Variants in CHD5 observed in about 807,000 individuals in gnomAD.
The protein encoded by CHD5 is chromodomain helicase DNA binding protein 5, also known as ATP-dependent chromatin remodeler CHD5.
In CHD5, 69 loss-of-function variants were observed where a neutral mutation model predicts 230.3. That is an observed-to-expected ratio of 0.30 (90% confidence interval 0.25 to 0.37). CHD5 has a LOEUF of 0.37. CHD5 is among the 10% of genes least tolerant of loss of function. The probability of loss-of-function intolerance (pLI) is 1.00; values close to 1 mark genes in which losing one functional copy is unlikely to be tolerated. For missense variants in CHD5, 1,827 were observed against 2,622.8 expected (o/e 0.70, Z 6.63); for synonymous variants, 1,064 against 1,065.9 (o/e 1.00, Z 0.03).
At chr1:6,150,866 C>G (rs1322649069) in intron 7 of CHD5, among the ~76,000 whole-genome samples, 166 bp downstream of exon 7, 1 of 152,154 alleles carries the variant, frequency 6.6e-6, no homozygotes, top group Non-Finnish European at 1.5e-5. Context: ...ACACAGGGGC[C>G]CCACCTGGCT....
Position 6,135,304 on chromosome 1 carries a change from G to A in CHD5, c.2796C>T (p.Leu932=), listed in dbSNP as rs1666721128. The A allele has an allele frequency of 1.2e-6, 2 of 1,614,034 alleles. No individual in the cohort carries two copies. The highest frequency in any genetic ancestry group is 1.7e-6 in the Non-Finnish European group (2 of 1,180,048). ...GCATGTTCTTGAACACGTCAGCCTT[G>A]AGCCGCCTGAGCATGTGCGGCCCCA... ...DLLGPHMLRR[L]KADVFKNMPA... Residue 932 remains leucine, a synonymous_variant, in exon 18 of 42, where the codon CTC becomes CTT. Transcript: ENST00000262450.
rs138478240 is a variant in CHD5 at position 6,142,587 on chromosome 1, T to C, written c.2062A>G (p.Lys688Glu). The change falls in exon 14 of 42, where the codon AAG becomes GAG. Residue 688 changes from lysine to glutamate, a missense_variant. By Grantham distance (56) the Lys-to-Glu change is moderately conservative. Coordinates refer to ENST00000262450, the MANE Select transcript of CHD5 (RefSeq NM_015557.3). The surrounding 1 kb of genome is among the most constrained non-coding windows in gnomAD (Gnocchi z 5.2). The stretch of plus-strand genomic sequence containing the variant: ...GTGGAGTCGATGTACCATGGCTGCT[T>C]GTCGAACTTGACCGTGGGCTGCAGG... ...PIVDPTVKFD[K>E]QPWYIDSTGG... 175 of 1,612,354 alleles carry C rather than the reference T, an allele frequency of 1.1e-4. No individual in the cohort carries two copies. Among genetic ancestry groups the C allele is most frequent in the Non-Finnish European group, 1.5e-4 (173 of 1,179,326 alleles).
chr1:6,140,354 C>T (rs1346916745), intron 15 of CHD5, among the ~76,000 whole-genome samples: 1 of 150,938 alleles, frequency 6.6e-6, no homozygotes, highest in Non-Finnish European at 1.5e-5. Flanking sequence ...GAGCCCAGAT[C>T]GCACCACTGC....
At position 6,146,875 on chromosome 1, in the gene CHD5, T is replaced by C; in HGVS notation, c.1384-4A>G. ...CTTTGCCCTTCAGTGGGGGGCACTG[T>C]GGACAGAGAAGGGTCCCCAAGGTGG... On this transcript the variant is annotated splice_region_variant and splice_polypyrimidine_tract_variant and intron_variant, in intron 9 of 41. Transcript: ENST00000262450. This position sits in a 1 kb window ranked among gnomAD's most constrained non-coding sequence, Gnocchi z 5.1. The C allele has an allele frequency of 6.7e-7, 1 of 1,494,318 alleles. No homozygotes were observed. The highest frequency in any genetic ancestry group is 1.4e-5 in the South Asian group (1 of 73,284). The allele number at this position is 1,494,318 out of a possible 1,614,324, so 92.6% of individuals were successfully genotyped here. A position where few individuals can be genotyped will look rare whatever the true frequency, so the allele number is the denominator to read the frequency against.
chr1:6,144,089 G>A lies in CHD5; in HGVS notation c.1869C>T (p.Thr623=). The change falls in exon 12 of 42, where the codon ACC becomes ACT. Residue 623 remains threonine, a synonymous_variant. Transcript: ENST00000262450. ...GGATGTCGATGTCATCGATCTCCCA[G>A]GTGCACTGGTCGTAGGGCAGGTCTT... ...KWKDLPYDQC[T]WEIDDIDIPY... 1.9e-6 allele frequency: 3 copies of A among 1,614,212 alleles called. No homozygotes were observed. Among genetic ancestry groups the A allele is most frequent in the Non-Finnish European group, 2.5e-6 (3 of 1,180,036 alleles).
rs112905964 is a variant in CHD5, at chr1:6,134,013, ATGGGAACGGCAC to A, written c.3144+103_3144+114del. ...CCTGACACACAGTCACATGACCCAC[ATGGGAACGGCAC>A]TGGGCCCTGAGGGGTGCCAGCAAGT... On this transcript the variant is annotated intron_variant, in intron 20 of 41. Coordinates refer to ENST00000262450, the MANE Select transcript of CHD5 (RefSeq NM_015557.3). The surrounding 1 kb of genome is among the most constrained non-coding windows in gnomAD (Gnocchi z 6.3). 1.7e-4 allele frequency: 171 copies of A among 1,012,618 alleles called. 3 individuals carry two copies. The African/African-American group carries it at 2.3e-3, about 14-fold the overall frequency. 62.7% of individuals were successfully genotyped at this position (1,012,618 alleles called of 1,614,324 possible).
intron 41 of CHD5, 52 bp downstream of exon 41, chr1:6,106,182 G>T: frequency 6.5e-7 from 1 of 1,534,252 alleles, no homozygotes; most frequent in Admixed American, 1.7e-5. Flanking sequence ...GCCAGGCCTG[G>T]TTTGCCAGCA....
rs143731119 is a variant in CHD5, at chr1:6,157,200, G to A, written c.388-1483C>T. ...GCCAATCAGTACACACCACTCCTAGGCCAAAGTCTGGTCAGGCCAGTCATG... is the reference window on the plus strand; with the variant it reads ...GCCAATCAGTACACACCACTCCTAGACCAAAGTCTGGTCAGGCCAGTCATG... On this transcript the variant is annotated intron_variant, in intron 3 of 41. Transcript: ENST00000262450. 1.9e-3 allele frequency among the ~76,000 whole-genome samples: 289 copies of A among 152,210 alleles called. 1 individual carries two copies. The highest frequency in any genetic ancestry group is 0.014 in the Middle Eastern group (4 of 294).
intron 36 of CHD5, among the ~76,000 whole-genome samples, 168 bp downstream of exon 36, chr1:6,111,607 G>A (rs573290921): frequency 9.2e-5 from 14 of 152,160 alleles, no homozygotes; most frequent in East Asian, 1.9e-4. Context: ...GGATGACAGC[G>A]GCGGGGAGCG....
chr1:6,128,385 G>A lies in CHD5; in HGVS notation c.3730+114C>T, dbSNP rs1666597578. ...CTGCGCTGTAACAGCCCCACTCGCC[G>A]CCCACCTGGCAGTCCCAGGACGCCC... On this transcript the variant is annotated intron_variant, in intron 24 of 41. Transcript: ENST00000262450. The surrounding 1 kb of genome is among the most constrained non-coding windows in gnomAD (Gnocchi z 7.8). 9.0e-6 allele frequency: 10 copies of A among 1,109,860 alleles called. No homozygotes were observed. The highest frequency in any genetic ancestry group is 4.2e-5 in the South Asian group (3 of 71,508). The allele number at this position is 1,109,860 out of a possible 1,614,324, so 68.8% of individuals were successfully genotyped here.
rs761122044 is a variant in CHD5 at position 6,130,353 on chromosome 1, G to A, written c.3263-25C>T. On this transcript the variant is annotated intron_variant, in intron 21 of 41. Transcript: ENST00000262450. The surrounding 1 kb of genome is among the most constrained non-coding windows in gnomAD (Gnocchi z 4.9). ...GCTGAAAAAGAGAGGCCAGCAGATG[G>A]GAGTGTTTGGGGGGGTACACCTTGG... 7 of 1,611,576 alleles carry A rather than the reference G, an allele frequency of 4.3e-6. No individual in the cohort carries two copies. The highest frequency in any genetic ancestry group is 5.9e-6 in the Non-Finnish European group (7 of 1,179,046).
Position 6,154,563 on chromosome 1 carries a change from C to A in CHD5, c.745+97G>T. The stretch of plus-strand genomic sequence containing the variant: ...CCCTCCATTAGGAGCACCCCAGCTG[C>A]CCCTCCCTGCCCGCGTCTGCCCCGT... On this transcript the variant is annotated intron_variant, in intron 5 of 41. Transcript: ENST00000262450. This position sits in a 1 kb window ranked among gnomAD's most constrained non-coding sequence, Gnocchi z 7.0. 8.8e-7 allele frequency: 1 copy of A among 1,137,820 alleles called. No individual in the cohort carries two copies. The highest frequency in any genetic ancestry group is 1.2e-6 in the Non-Finnish European group (1 of 819,592). The allele number at this position is 1,137,820 out of a possible 1,614,324, so 70.5% of individuals were successfully genotyped here.
rs376892838 is a variant in CHD5, at chr1:6,153,411, T to A, written c.746-875A>T. ...GACAGGGAACAGACTCTGACCCTTG[T>A]CACTTCACCCACCAGGCTCCCTTCA... On this transcript the variant is annotated intron_variant, in intron 5 of 41. Coordinates refer to ENST00000262450, the MANE Select transcript of CHD5 (RefSeq NM_015557.3). Among the ~76,000 whole-genome samples, 16 of 152,292 alleles carry A rather than the reference T, an allele frequency of 1.1e-4. No individual in the cohort carries two copies. In the East Asian group the frequency reaches 3.1e-3, roughly 29 times the overall value.
At position 6,125,305 on chromosome 1, in the gene CHD5, G is replaced by A; in HGVS notation, c.4261-72C>T. ...GGGGGTGGAGGATTCTGGGATGGGG[G>A]AAGAAAAGCATGGGAGGAGGAGAAG... is the stretch of plus-strand genomic sequence containing the variant. On this transcript the variant is annotated intron_variant, in intron 28 of 41. Transcript: ENST00000262450. This position sits in a 1 kb window ranked among gnomAD's most constrained non-coding sequence, Gnocchi z 6.7. 2.1e-6 allele frequency: 3 copies of A among 1,452,066 alleles called. No individual in the cohort carries two copies. Among genetic ancestry groups the A allele is most frequent in the South Asian group, 1.3e-5 (1 of 79,086 alleles). The allele number at this position is 1,452,066 out of a possible 1,614,324, so 89.9% of individuals were successfully genotyped here.
At chr1:6,153,822 G>A (rs529932660) in intron 5 of CHD5, among the ~76,000 whole-genome samples, 2 of 151,094 alleles carry the variant, frequency 1.3e-5, no homozygotes, top group African/African-American at 4.9e-5. Flanking sequence ...CAGAGTGAGA[G>A]TCTGTCAAAA....
chr1:6,136,340 C>G (rs1258836551), intron 17 of CHD5, among the ~76,000 whole-genome samples, 177 bp downstream of exon 17: 1 of 152,226 alleles, frequency 6.6e-6, no homozygotes, highest in Non-Finnish European at 1.5e-5. Flanking sequence ...CCACGCCACC[C>G]ACCCCAACAC....
intron 7 of CHD5, among the ~76,000 whole-genome samples, chr1:6,150,109 AGGAT>A (rs1178446442): frequency 2.0e-5 from 3 of 150,386 alleles, no homozygotes; most frequent in Non-Finnish European, 3.0e-5. Context: ...GATGGACAAA[AGGAT>A]GGATAGATGA....
rs141326175 is a variant in CHD5, at chr1:6,154,712, C to G, written c.693G>C (p.Pro231=). Residue 231 remains proline, a synonymous_variant, in exon 5 of 42, where the codon CCG becomes CCC. Transcript: ENST00000262450. This position sits in a 1 kb window ranked among gnomAD's most constrained non-coding sequence, Gnocchi z 7.0. Reference sequence around the variant, plus strand: ...GGATAGGCACAGGCTGGGGCACCTGCGGGGGGCTGACGGCTAGCGGAGGGG... The same window carrying G: ...GGATAGGCACAGGCTGGGGCACCTGGGGGGGGCTGACGGCTAGCGGAGGGG... The part of the protein sequence containing the change: ...TISPPLAVSP[P]QVPQPVPIRK... The G allele has an allele frequency of 6.2e-7, 1 of 1,604,078 alleles. No individual in the cohort carries two copies. The highest frequency in any genetic ancestry group is 1.3e-5 in the African/African-American group (1 of 74,772).
In CHD5 at chr1:6,142,144, T is replaced by C; in HGVS notation, c.2420A>G (p.Lys807Arg). The change falls in exon 15 of 42, where the codon AAG (lysine) becomes AGG (arginine). Residue 807 changes from lysine (K) to arginine (R), a missense_variant. Transcript: ENST00000262450. The surrounding 1 kb of genome is among the most constrained non-coding windows in gnomAD (Gnocchi z 5.2). ...AGCCCTCACCTTCATACGGAATACCTTCTTCCCACTCCGAATGGCGTTGTC... is the reference window on the plus strand; with the variant it reads ...AGCCCTCACCTTCATACGGAATACCCTCTTCCCACTCCGAATGGCGTTGTC... ...FEDNAIRSGK[K>R]VFRMKKEVQI... The C allele has an allele frequency of 6.2e-7, 1 of 1,614,070 alleles. No individual in the cohort carries two copies. The highest frequency in any genetic ancestry group is 1.1e-5 in the South Asian group (1 of 91,082).
Sources: gnomAD v4.1 joint callset for allele counts (sites outside exome capture counted in the v4.1 genomes callset) on GRCh38, gnomAD v4.1.1 for gene constraint, Gnocchi (gnomAD v3.1) non-coding constraint, MANE v1.5 for transcripts, NCBI Gene and HGNC (gene_info 2026-07-23, HGNC 2026-07-21) for gene names.